Variants in C8orf34 observed in about 807,000 individuals in gnomAD.
C8orf34 encodes chromosome 8 open reading frame 34.
C8orf34 carries 65 observed loss-of-function variants against 68.3 expected under a neutral mutation model. The ratio of observed to expected loss-of-function variants is 0.95; its 90% confidence interval spans 0.78 to 1.17. The LOEUF (loss-of-function observed/expected upper bound fraction) is 1.17, where lower values mean the gene tolerates loss of function less well. Among genes scored for constraint, C8orf34 ranks in the 50% most tolerant of loss-of-function variants. The pLI is 0.00. For synonymous variants in C8orf34, 244 were observed against 241.2 expected (o/e 1.01, Z -0.11); for missense variants, 664 against 655.4 (o/e 1.01, Z -0.14).
intron 10 of C8orf34, among the ~76,000 whole-genome samples, chr8:68,725,118 C>T (rs372810201): frequency 2.5e-4 from 38 of 152,258 alleles, no homozygotes; most frequent in African/African-American, 6.0e-4. Context: ...CCTCCTTCCT[C>T]GGCCACCTAA....
chr8:68,572,605 T>C (rs1173957856), intron 7 of C8orf34, among the ~76,000 whole-genome samples: 1 of 152,042 alleles, frequency 6.6e-6, no homozygotes, highest in Non-Finnish European at 1.5e-5. Flanking sequence ...GTGTGTATGG[T>C]ATTTTTGTTT....
intron 12 of C8orf34, among the ~76,000 whole-genome samples, chr8:68,812,821 C>A (rs528229035): frequency 6.6e-6 from 1 of 152,238 alleles, no homozygotes; most frequent in South Asian, 2.1e-4. Context: ...CAGTCTCTAT[C>A]TTTATCTTCT....
chr8:68,668,537 A>T (rs1819911907), intron 8 of C8orf34, among the ~76,000 whole-genome samples: 1 of 152,140 alleles, frequency 6.6e-6, no homozygotes, highest in African/African-American at 2.4e-5. Context: ...GAAATATTCA[A>T]GTAGATGCCA....
intron 7 of C8orf34, among the ~76,000 whole-genome samples, chr8:68,627,455 G>T (rs1383192426): frequency 6.6e-6 from 1 of 152,140 alleles, no homozygotes; most frequent in Non-Finnish European, 1.5e-5. Context: ...GAGTTCACAT[G>T]CCAGGAATTT....
chr8:68,566,300 T>A (rs973716212), intron 7 of C8orf34, among the ~76,000 whole-genome samples: 10 of 152,158 alleles, frequency 6.6e-5, no homozygotes, highest in African/African-American at 2.4e-4. Context: ...TTTCTGCTCC[T>A]CTCCCATCTC....
chr8:68,528,312 G>A (rs1351616562), intron 6 of C8orf34, among the ~76,000 whole-genome samples: 1 of 151,952 alleles, frequency 6.6e-6, no homozygotes, highest in African/African-American at 2.4e-5. Flanking sequence ...TCAATTTCAG[G>A]CATCTCACTT....
chr8:68,767,055 T>C (rs1355978368), intron 10 of C8orf34, among the ~76,000 whole-genome samples: 3 of 152,076 alleles, frequency 2.0e-5, no homozygotes, highest in Admixed American at 2.0e-4. Flanking sequence ...TGTGATGGCA[T>C]TGATGGCATG....
At chr8:68,397,062 A>C (rs963204904) in intron 1 of C8orf34, among the ~76,000 whole-genome samples, 2 of 151,796 alleles carry the variant, frequency 1.3e-5, no homozygotes, top group East Asian at 3.9e-4. Context: ...GCTGGAGTGC[A>C]GTGGCACGAT....
chr8:68,659,322 C>G (rs1180610203), intron 8 of C8orf34, among the ~76,000 whole-genome samples: 1 of 152,168 alleles, frequency 6.6e-6, no homozygotes, highest in Non-Finnish European at 1.5e-5. Flanking sequence ...CACAGTGAGC[C>G]TGGTTTCAAG....
intron 1 of C8orf34, among the ~76,000 whole-genome samples, chr8:68,355,895 C>T (rs117174962): frequency 6.6e-6 from 1 of 152,304 alleles, no homozygotes; most frequent in East Asian, 1.9e-4. Flanking sequence ...ATAGCACACA[C>T]AACTCCAACT....
chr8:68,811,060 C>T (rs932255577), intron 12 of C8orf34, among the ~76,000 whole-genome samples: 3 of 152,324 alleles, frequency 2.0e-5, no homozygotes, highest in Admixed American at 6.5e-5. Context: ...CTGCCATTCA[C>T]GGTGCCCATG....
intron 1 of C8orf34, among the ~76,000 whole-genome samples, chr8:68,370,121 G>C (rs1309863113): frequency 6.6e-6 from 1 of 151,988 alleles, no homozygotes; most frequent in East Asian, 1.9e-4. Flanking sequence ...ATTTTCCCTG[G>C]GGCAGACTCT....
chr8:68,650,770 C>T (rs1382604057), intron 8 of C8orf34, among the ~76,000 whole-genome samples: 2 of 151,910 alleles, frequency 1.3e-5, no homozygotes, highest in African/African-American at 4.8e-5. Flanking sequence ...TGAGCCACCG[C>T]ACCCGGCCCA....
At chr8:68,501,891 A>G (rs926018857) in intron 5 of C8orf34, among the ~76,000 whole-genome samples, 17 of 152,218 alleles carry the variant, frequency 1.1e-4, no homozygotes. Context: ...TACAAAGGGT[A>G]GAAGGGAAAG....
intron 7 of C8orf34, chr8:68,533,446 T>G: frequency 9.4e-7 from 1 of 1,058,594 alleles, no homozygotes; most frequent in East Asian, 7.1e-5. Flanking sequence ...AATTCAAGTC[T>G]GTCTGCTTTA....
chr8:68,472,198 G>A (rs1183583540), intron 4 of C8orf34, among the ~76,000 whole-genome samples: 7 of 152,114 alleles, frequency 4.6e-5, no homozygotes, highest in Non-Finnish European at 7.4e-5. Context: ...TAGTCATGAC[G>A]AAGTAGGCAT....
chr8:68,473,715 T>C (rs774314349), intron 4 of C8orf34, among the ~76,000 whole-genome samples: 4 of 152,176 alleles, frequency 2.6e-5, no homozygotes, highest in Non-Finnish European at 5.9e-5. Context: ...CAGTTAGTGC[T>C]CACTGTCTCT....
rs16934706 is a variant in C8orf34, at chr8:68,536,003, G to T, written c.1105+2854G>T. On this transcript the variant is annotated intron_variant, in intron 7 of 13. Transcript: ENST00000518698. Reference sequence around the variant, plus strand: ...CAATTAATGACCACTATGAAAAAAAGGTTATAGAAAATCTTCACATATTTT... The same window carrying T: ...CAATTAATGACCACTATGAAAAAAATGTTATAGAAAATCTTCACATATTTT... Among the ~76,000 whole-genome samples, 449 of 151,918 alleles carry T rather than the reference G, an allele frequency of 3.0e-3. 4 individuals carry two copies. The highest frequency in any genetic ancestry group is 0.01 in the African/African-American group (430 of 41,434).
At chr8:68,505,792 G>C (rs1813994359) in intron 5 of C8orf34, among the ~76,000 whole-genome samples, 1 of 151,384 alleles carries the variant, frequency 6.6e-6, no homozygotes, top group Non-Finnish European at 1.5e-5. Context: ...AATCAGGCAA[G>C]GGAGAGGTAT....
Sources: allele counts gnomAD v4.1 joint callset (sites outside exome capture counted in the v4.1 genomes callset), GRCh38; gene constraint gnomAD v4.1.1; transcripts MANE v1.5; gene names NCBI Gene and HGNC (gene_info 2026-07-23, HGNC 2026-07-21).